Variants in CCDC83 observed in about 807,000 individuals in gnomAD.
CCDC83 encodes the protein coiled-coil domain-containing protein 83.
In CCDC83, 54 loss-of-function variants were observed where a neutral mutation model predicts 50.1. That is an observed-to-expected ratio of 1.08 (90% CI 0.87 to 1.35). CCDC83 has a LOEUF of 1.35. CCDC83 is among the 40% of genes most tolerant of loss of function. CCDC83 has a pLI of 0.00. For missense variants in CCDC83, 518 were observed against 473.9 expected (o/e 1.09, Z -0.86); for synonymous variants, 161 against 153.3 (o/e 1.05, Z -0.37).
At chr11:85,902,165 G>A (rs1347785467) in intron 7 of CCDC83, among the ~76,000 whole-genome samples, 1 of 149,798 alleles carries the variant, frequency 6.7e-6, no homozygotes, top group Non-Finnish European at 1.5e-5. Flanking sequence ...AAAGATTCTG[G>A]CAGAAGCAGG....
intron 7 of CCDC83, 65 bp from the exon 8 acceptor site, chr11:85,911,216 G>T: frequency 1.7e-3 from 1,674 of 997,752 alleles, no homozygotes; most frequent in Non-Finnish European, 2.1e-3. Context: ...AAAAAATAAA[G>T]AAAAGAAAAC....
chr11:85,882,612 G>T lies in CCDC83; in HGVS notation c.280G>T (p.Asp94Tyr). 6.2e-7 allele frequency: 1 copy of T among 1,614,030 alleles called. No homozygotes were observed. Among genetic ancestry groups the T allele is most frequent in the South Asian group, 1.1e-5 (1 of 91,074 alleles). The change falls in exon 4 of 11, where the codon GAT (aspartate) becomes TAT (tyrosine). Residue 94 changes from aspartate to tyrosine, a missense_variant. By Grantham distance (160) the Asp-to-Tyr change is radical. Coordinates refer to ENST00000342404, the MANE Select transcript of CCDC83 (RefSeq NM_001286159.2). ...GGGATTGCCAGTTGTAACAAGAGAGGATGTTGAAGAAGCGATGAAGGAAAA... is the reference window on the plus strand; with the variant it reads ...GGGATTGCCAGTTGTAACAAGAGAGTATGTTGAAGAAGCGATGAAGGAAAA... ...AEGLPVVTRE[D>Y]VEEAMKEKWK... is the part of the protein sequence containing the mutation.
At chr11:85,900,232 A>G (rs190466887) in intron 7 of CCDC83, among the ~76,000 whole-genome samples, 83 of 152,312 alleles carry the variant, frequency 5.4e-4, no homozygotes, top group Non-Finnish European at 8.1e-4. Flanking sequence ...CTGTATCAGT[A>G]AGCATCTGCC....
rs561883260 is a variant in CCDC83, at chr11:85,865,303, T to C, written c.95+85T>C. 5 of 825,046 alleles carry C rather than the reference T, an allele frequency of 6.1e-6. No individual in the cohort carries two copies. The East Asian group carries it at 9.8e-5, about 16-fold the overall frequency. The allele number at this position is 825,046 out of a possible 1,614,324, so 51.1% of individuals were successfully genotyped here. A position where few individuals can be genotyped will look rare whatever the true frequency, so the allele number is the denominator to read the frequency against. On this transcript the variant is annotated intron_variant, in intron 2 of 10. Coordinates refer to ENST00000342404, the MANE Select transcript of CCDC83 (RefSeq NM_001286159.2). Reference sequence around the variant, plus strand: ...CTCATATAACTGCAAATGCAAACAATACATGCAGCAGCTGCCAAAAGAATA... The same window carrying C: ...CTCATATAACTGCAAATGCAAACAACACATGCAGCAGCTGCCAAAAGAATA...
In CCDC83 at chr11:85,900,622, C is replaced by T. The variant is rs532752460; in HGVS notation, c.672+1607C>T. On this transcript the variant is annotated intron_variant, in intron 7 of 10. Transcript: ENST00000342404. ...TTAAATATAAATAGACATCCAAGGA[C>T]CACCAGGCATTTGAGTACATTTGGC... Among the ~76,000 whole-genome samples, 17 of 152,232 alleles carry T rather than the reference C, an allele frequency of 1.1e-4. No individual in the cohort carries two copies. In the South Asian group the frequency reaches 3.3e-3, roughly 30 times the overall value.
At chr11:85,866,110 T>C (rs2093205328) in intron 2 of CCDC83, among the ~76,000 whole-genome samples, 1 of 152,230 alleles carries the variant, frequency 6.6e-6, no homozygotes, top group Admixed American at 6.5e-5. Flanking sequence ...TCCATATTTA[T>C]GTTTTATTCC....
intron 3 of CCDC83, 39 bp from the exon 4 acceptor site, chr11:85,882,474 A>G (rs1259522376): frequency 1.9e-6 from 3 of 1,602,942 alleles, no homozygotes; most frequent in South Asian, 1.1e-5. Context: ...TAGTGTACAT[A>G]GTTGATCAAA....
intron 3 of CCDC83, among the ~76,000 whole-genome samples, chr11:85,876,082 T>C (rs1321729893): frequency 6.6e-6 from 1 of 152,194 alleles, no homozygotes; most frequent in African/African-American, 2.4e-5. Context: ...TTTTCTCCTT[T>C]GGGTTCCAGG....
intron 6 of CCDC83, among the ~76,000 whole-genome samples, chr11:85,895,667 T>C (rs1274552674): frequency 1.3e-5 from 2 of 152,234 alleles, no homozygotes; most frequent in Admixed American, 1.3e-4. Context: ...GGCTGTATAA[T>C]GAATTTGTTA....
rs550973406 is a variant in CCDC83 at position 85,900,551 on chromosome 11, A to G, written c.672+1536A>G. Among the ~76,000 whole-genome samples, 9 of 152,272 alleles carry G rather than the reference A, an allele frequency of 5.9e-5. No homozygotes were observed. The East Asian group carries it at 1.7e-3, about 29-fold the overall frequency. ...AAAAATTTGGTATGAAAACAGTCCT[A>G]TTTACACAGTGGTGGGGAAAATCCA... On this transcript the variant is annotated intron_variant, in intron 7 of 10. Coordinates refer to ENST00000342404, the MANE Select transcript of CCDC83 (RefSeq NM_001286159.2).
At chr11:85,857,446 G>C (rs561881281) in intron 1 of CCDC83, among the ~76,000 whole-genome samples, 1 of 152,262 alleles carries the variant, frequency 6.6e-6, no homozygotes, top group East Asian at 1.9e-4. Context: ...ATACTTCAAA[G>C]ACGGCCTCCT....
At chr11:85,881,132 G>T (rs1042753489) in intron 3 of CCDC83, among the ~76,000 whole-genome samples, 1 of 152,186 alleles carries the variant, frequency 6.6e-6, no homozygotes, top group Non-Finnish European at 1.5e-5. Context: ...ACTTTGGGAG[G>T]CCGCGGCAGA....
chr11:85,910,593 T>A (rs2093449172), intron 7 of CCDC83, among the ~76,000 whole-genome samples: 1 of 152,254 alleles, frequency 6.6e-6, no homozygotes. Context: ...ACTTAGCTAC[T>A]AATATGCCCT....
chr11:85,897,205 C>A (rs1592174422), intron 6 of CCDC83, among the ~76,000 whole-genome samples: 2 of 152,172 alleles, frequency 1.3e-5, no homozygotes, highest in Non-Finnish European at 2.9e-5. Flanking sequence ...TTCTTTCAAG[C>A]ATTACACATT....
At chr11:85,882,967 G>A (rs543930071) in intron 4 of CCDC83, among the ~76,000 whole-genome samples, 8 of 152,078 alleles carry the variant, frequency 5.3e-5, no homozygotes, top group Non-Finnish European at 1.2e-4. Context: ...ACCCAGGCTG[G>A]AGTGCAGTGG....
intron 2 of CCDC83, among the ~76,000 whole-genome samples, chr11:85,871,685 G>A (rs2093238378): frequency 6.6e-6 from 1 of 152,082 alleles, no homozygotes; most frequent in African/African-American, 2.4e-5. Flanking sequence ...TGACTGCTTG[G>A]ACATTTAGGC....
intron 5 of CCDC83, among the ~76,000 whole-genome samples, chr11:85,890,123 G>C (rs932338071): frequency 4.6e-5 from 7 of 152,184 alleles, no homozygotes; most frequent in African/African-American, 1.4e-4. Flanking sequence ...GGTCTTCAGA[G>C]AGATTTCTCA....
chr11:85,879,316 G>A (rs1056457588), intron 3 of CCDC83, among the ~76,000 whole-genome samples: 1 of 152,084 alleles, frequency 6.6e-6, no homozygotes, highest in Non-Finnish European at 1.5e-5. Context: ...TAAGGTGTGA[G>A]GCTTAGATCA....
intron 2 of CCDC83, 48 bp from the exon 3 acceptor site, chr11:85,873,163 T>C: frequency 9.9e-7 from 1 of 1,014,106 alleles, no homozygotes; most frequent in South Asian, 1.8e-5. Flanking sequence ...TTTTTCTCAT[T>C]TCCTAAGATA....
Sources: allele counts gnomAD v4.1 joint callset (sites outside exome capture counted in the v4.1 genomes callset), GRCh38; gene constraint gnomAD v4.1.1; transcripts MANE v1.5; gene names NCBI Gene and HGNC (gene_info 2026-07-23, HGNC 2026-07-21).